Variants in SPATA7 observed in about 807,000 individuals in gnomAD.
SPATA7 encodes spermatogenesis associated 7, also known as spermatogenesis-associated protein 7.
SPATA7 carries 43 observed loss-of-function variants against 51.8 expected under a neutral mutation model. That is an observed-to-expected ratio of 0.83 (90% confidence interval 0.65 to 1.07). SPATA7 has a LOEUF of 1.07. Ranked by LOEUF, SPATA7 falls within the 50% of genes least tolerant of loss-of-function variation. The pLI is 0.00. For synonymous variants in SPATA7, 230 were observed against 252.8 expected, an observed-to-expected ratio of 0.91 and a Z score of 0.86; for missense variants, 683 against 701.3, an observed-to-expected ratio of 0.97 and a Z score of 0.30.
intron 3 of SPATA7, 31 bp downstream of exon 3, chr14:88,393,519 C>A: frequency 6.7e-7 from 1 of 1,482,206 alleles, no homozygotes; most frequent in Non-Finnish European, 9.3e-7. Context: ...ACTCTCTGTA[C>A]TCAATTTAAA....
At chr14:88,429,890 C>CTATTTATT (rs57390600) in intron 8 of SPATA7, among the ~76,000 whole-genome samples, 83,184 of 143,224 alleles carry the variant, frequency 0.58, 25,192 homozygotes, top group Middle Eastern at 0.7. Flanking sequence ...TATGAAGACA[C>CTATTTATT]TATTTATTTA....
chr14:88,454,439 T>C (rs1279525427), intron 3 of SPATA7, among the ~76,000 whole-genome samples: 2 of 152,184 alleles, frequency 1.3e-5, no homozygotes, highest in Non-Finnish European at 2.9e-5. Context: ...CTTCAGGGGA[T>C]TAGGATATGG....
At chr14:88,428,327 T>A (rs1175277428) in intron 7 of SPATA7, 3 of 152,146 alleles carry the variant, frequency 2.0e-5, no homozygotes, top group African/African-American at 7.2e-5. Flanking sequence ...AAAAATGGTT[T>A]GTCTATTAAA....
At chr14:88,396,098 G>T in intron 3 of SPATA7, 58 bp from the exon 4 acceptor site, 1 of 1,349,800 alleles carries the variant, frequency 7.4e-7, no homozygotes, top group South Asian at 1.2e-5. Context: ...TTCCACATTT[G>T]GTATTTGTCA....
At chr14:88,399,061 A>G (rs1368548617) in intron 4 of SPATA7, among the ~76,000 whole-genome samples, 1 of 152,060 alleles carries the variant, frequency 6.6e-6, no homozygotes, top group Non-Finnish European at 1.5e-5. Flanking sequence ...CAAAAAAAAA[A>G]AAAAAGAAAA....
At chr14:88,462,500 AAT>A (rs1334707309) in intron 4 of SPATA7, among the ~76,000 whole-genome samples, 3 of 152,234 alleles carry the variant, frequency 2.0e-5, no homozygotes, top group Non-Finnish European at 4.4e-5. Flanking sequence ...TTAGAGTGTG[AAT>A]TTAAGTTACA....
intron 10 of SPATA7, among the ~76,000 whole-genome samples, chr14:88,435,731 T>C (rs1239297256): frequency 6.6e-6 from 1 of 152,182 alleles, no homozygotes; most frequent in African/African-American, 2.4e-5. Context: ...GATCTCCAGT[T>C]CCGTCCATAT....
downstream of SPATA7, among the ~76,000 whole-genome samples, chr14:88,458,332 C>T (rs1366939839): frequency 6.6e-5 from 10 of 152,088 alleles, no homozygotes; most frequent in African/African-American, 1.4e-4. Flanking sequence ...TAGTAGAATT[C>T]GGCTGTGAAT....
chr14:88,396,470 T>C lies in SPATA7; in HGVS notation c.238+267T>C, dbSNP rs572003437. Among the ~76,000 whole-genome samples the C allele has an allele frequency of 2.6e-5, 4 of 152,312 alleles. No individual in the cohort carries two copies. In the South Asian group the frequency reaches 8.3e-4, roughly 32 times the overall value. On this transcript the variant is annotated intron_variant, in intron 4 of 11. Coordinates refer to ENST00000393545, the MANE Select transcript of SPATA7 (RefSeq NM_018418.5). ...CTATGAATTTGACTACTGTCACCATTGTACTTACTATCTCTATGAATCTAT... is the reference window on the plus strand; with the variant it reads ...CTATGAATTTGACTACTGTCACCATCGTACTTACTATCTCTATGAATCTAT...
At chr14:88,415,446 G>C (rs1217477879) in intron 4 of SPATA7, among the ~76,000 whole-genome samples, 1 of 151,438 alleles carries the variant, frequency 6.6e-6, no homozygotes, top group Non-Finnish European at 1.5e-5. Context: ...GTCATTACAT[G>C]TGTGATGGGC....
intron 4 of SPATA7, among the ~76,000 whole-genome samples, chr14:88,463,751 C>G (rs1336246012): frequency 6.6e-6 from 1 of 152,186 alleles, no homozygotes; most frequent in Non-Finnish European, 1.5e-5. Flanking sequence ...ACCACTTTAA[C>G]AATCCAAGGA....
At chr14:88,437,221 G>A (rs1051648128) in intron 10 of SPATA7, among the ~76,000 whole-genome samples, 1 of 151,914 alleles carries the variant, frequency 6.6e-6, no homozygotes, top group Admixed American at 6.6e-5. Flanking sequence ...GTGTGTGTGT[G>A]TGTAAATATC....
Position 88,426,481 on chromosome 14 carries a change from C to T in SPATA7, c.622C>T (p.Pro208Ser), listed in dbSNP as rs1361677956. The change falls in exon 6 of 12, where the codon CCA (proline) becomes TCA (serine). Residue 208 changes from proline (P) to serine (S), a missense_variant. By Grantham distance (74) the Pro-to-Ser change is moderately conservative (BLOSUM62 -1). Transcript: ENST00000393545. ...LYGRRPRSTF[P>S]NSHRFQLVIS... ...TGGCAGAAGGCCCAGAAGCACATTCCCAAATTCCCACCGGTTTCAGTTAGT... is the reference window on the plus strand; with the variant it reads ...TGGCAGAAGGCCCAGAAGCACATTCTCAAATTCCCACCGGTTTCAGTTAGT... 6.2e-7 allele frequency: 1 copy of T among 1,614,154 alleles called. No individual in the cohort carries two copies. Among genetic ancestry groups the T allele is most frequent in the South Asian group, 1.1e-5 (1 of 91,082 alleles).
At chr14:88,468,055 G>T in intron 4 of SPATA7, 1 of 1,516,512 alleles carries the variant, frequency 6.6e-7, no homozygotes, top group South Asian at 1.2e-5. Flanking sequence ...AAGTGTCAAC[G>T]GGAAAGTATG....
intron 3 of SPATA7, among the ~76,000 whole-genome samples, chr14:88,444,717 C>T (rs924142480): frequency 6.6e-6 from 1 of 152,134 alleles, no homozygotes; most frequent in Non-Finnish European, 1.5e-5. Flanking sequence ...AGCCAGTTTT[C>T]CCAGCACCAT....
intron 4 of SPATA7, chr14:88,466,547 GTT>G (rs2077366110): frequency 1.3e-5 from 2 of 152,180 alleles, no homozygotes; most frequent in Admixed American, 1.3e-4. Flanking sequence ...CATTTTGGAA[GTT>G]CACTGTAAGA....
intron 5 of SPATA7, among the ~76,000 whole-genome samples, chr14:88,418,985 C>T (rs145773638): frequency 1.1e-4 from 17 of 152,078 alleles, no homozygotes; most frequent in African/African-American, 3.6e-4. Context: ...TTAAAAATGT[C>T]CTGTCATTAT....
chr14:88,435,917 G>C (rs72695821), intron 10 of SPATA7, among the ~76,000 whole-genome samples: 1 of 152,112 alleles, frequency 6.6e-6, no homozygotes, highest in Non-Finnish European at 1.5e-5. Context: ...TCGATATCCT[G>C]ACTTACTTCC....
chr14:88,455,253 T>C, exon 4 of SPATA7: 2 of 356,032 alleles, frequency 5.6e-6, no homozygotes, highest in Non-Finnish European at 1.1e-5. Context: ...TGAAGCTGGC[T>C]AGTTTGGCAA....
Sources: allele counts gnomAD v4.1 joint callset (sites outside exome capture counted in the v4.1 genomes callset), GRCh38; gene constraint gnomAD v4.1.1; transcripts MANE v1.5; gene names NCBI Gene and HGNC (gene_info 2026-07-23, HGNC 2026-07-21).